LDLRAP1: variants seen among roughly 807,000 people sequenced by gnomAD.
LDLRAP1 encodes low density lipoprotein receptor adaptor protein 1, also known as low density lipoprotein receptor adapter protein 1.
Under a neutral mutation model 37.8 loss-of-function variants are expected in LDLRAP1, and 30 were observed. The ratio of observed to expected loss-of-function variants is 0.79; its 90% CI spans 0.59 to 1.08. The LOEUF (loss-of-function observed/expected upper bound fraction) is 1.08, where lower values mean the gene tolerates loss of function less well. Among genes scored for constraint, LDLRAP1 ranks in the 50% least tolerant of loss-of-function variants. The pLI is 0.00. For missense variants in LDLRAP1, 375 were observed against 401.6 expected, an observed-to-expected ratio of 0.93 and a Z score of 0.57; for synonymous variants, 156 against 169.8, an observed-to-expected ratio of 0.92 and a Z score of 0.63.
intron 3 of LDLRAP1, among the ~76,000 whole-genome samples, chr1:25,556,214 G>C (rs1161842644): frequency 6.6e-6 from 1 of 151,976 alleles, no homozygotes; most frequent in East Asian, 1.9e-4. Flanking sequence ...GGGTGAGTCT[G>C]TGGTGCTCCT....
the LDLRAP1 span, among the ~76,000 whole-genome samples, chr1:25,582,806 TCA>T: frequency 6.6e-6 from 1 of 152,034 alleles, no homozygotes; most frequent in Non-Finnish European, 1.5e-5. Flanking sequence ...GTACGGTGGC[TCA>T]CATCTGTAAT....
At chr1:25,574,129 G>A in the LDLRAP1 span, among the ~76,000 whole-genome samples, 1 of 152,206 alleles carries the variant, frequency 6.6e-6, no homozygotes, top group Non-Finnish European at 1.5e-5. Context: ...GCACCTGAGA[G>A]GGCAAAGAGC....
In LDLRAP1 at chr1:25,554,060, C is replaced by A. The variant is rs760852972; in HGVS notation, c.227C>A (p.Ala76Asp). The change falls in exon 2 of 9, where the codon GCT becomes GAT. Residue 76 changes from alanine to aspartate, a missense_variant. Physicochemically the swap from Ala to Asp is moderately radical, Grantham distance 126. Coordinates refer to ENST00000374338, the MANE Select transcript of LDLRAP1 (RefSeq NM_015627.3). The surrounding 1 kb of genome is among the most constrained non-coding windows in gnomAD (Gnocchi z 5.4). ...GCCGCCGCCATCAAGAGGATCGTGG[C>A]TACAGTGAGCACCCCAGTCAGGAAG... ...LSAAAIKRIV[A>D]TAKASGKKLQ... The A allele has an allele frequency of 6.8e-6, 11 of 1,613,872 alleles. No homozygotes were observed. The highest frequency in any genetic ancestry group is 8.5e-6 in the Non-Finnish European group (10 of 1,180,032).
intron 1 of LDLRAP1, among the ~76,000 whole-genome samples, chr1:25,547,427 G>A (rs2043961142): frequency 6.6e-6 from 1 of 151,952 alleles, no homozygotes; most frequent in Non-Finnish European, 1.5e-5. Context: ...AGGTTGCAGT[G>A]AGCCGGGATC....
chr1:25,560,293 C>T (rs1024455554), intron 4 of LDLRAP1, among the ~76,000 whole-genome samples: 1 of 152,142 alleles, frequency 6.6e-6, no homozygotes, highest in Non-Finnish European at 1.5e-5. Flanking sequence ...CTCCACATCC[C>T]TACTCTTCCT....
chr1:25,550,292 C>T (rs1039752722), intron 1 of LDLRAP1, among the ~76,000 whole-genome samples: 3 of 152,090 alleles, frequency 2.0e-5, no homozygotes, highest in Non-Finnish European at 4.4e-5. Context: ...AACTGAGGTT[C>T]AGGGAGGGTA....
chr1:25,551,409 G>T (rs2044068528), intron 1 of LDLRAP1, among the ~76,000 whole-genome samples: 6 of 152,242 alleles, frequency 3.9e-5, no homozygotes, highest in Admixed American at 3.9e-4. Context: ...TTGGGCTTTA[G>T]AGTCAGTCCT....
chr1:25,545,182 GT>G (rs1443319003), intron 1 of LDLRAP1, among the ~76,000 whole-genome samples: 1 of 152,220 alleles, frequency 6.6e-6, no homozygotes, highest in Non-Finnish European at 1.5e-5. Flanking sequence ...ATGGCCATCT[GT>G]TCCAGTGGGA....
the LDLRAP1 span, among the ~76,000 whole-genome samples, chr1:25,582,570 C>G: frequency 7.0e-6 from 1 of 142,596 alleles, no homozygotes; most frequent in Middle Eastern, 3.4e-3. Flanking sequence ...GGCGACAGAG[C>G]GAGACCCCAT....
chr1:25,566,257 C>T (rs1376013053), intron 8 of LDLRAP1, among the ~76,000 whole-genome samples: 1 of 152,054 alleles, frequency 6.6e-6, no homozygotes, highest in African/African-American at 2.4e-5. Context: ...CATTGATCAG[C>T]TCATCGTATT....
At chr1:25,577,539 G>A in the LDLRAP1 span, among the ~76,000 whole-genome samples, 1 of 152,214 alleles carries the variant, frequency 6.6e-6, no homozygotes, top group African/African-American at 2.4e-5. Context: ...AGCCAGAGAT[G>A]AGCGTCGAGC....
chr1:25,552,557 C>T (rs2044095707), intron 1 of LDLRAP1, among the ~76,000 whole-genome samples: 1 of 152,210 alleles, frequency 6.6e-6, no homozygotes, highest in African/African-American at 2.4e-5. Context: ...TCATAACAAA[C>T]ACCTCCTACA....
At chr1:25,579,806 A>C in the LDLRAP1 span, among the ~76,000 whole-genome samples, 1 of 80,280 alleles carries the variant, frequency 1.2e-5, no homozygotes, top group Non-Finnish European at 3.7e-5. Flanking sequence ...TAGCTGTTTC[A>C]CCACTACATT....
Position 25,554,710 on chromosome 1 carries a change from T to G in LDLRAP1, c.232-150T>G, listed in dbSNP as rs921557140. ...TGCTCCTGTTTCTATTGCAAGAAGG[T>G]GCTGGCTGAGTGGTCTTGCCCACAC... is the stretch of plus-strand genomic sequence containing the variant. On this transcript the variant is annotated intron_variant, in intron 2 of 8. Coordinates refer to ENST00000374338, the MANE Select transcript of LDLRAP1 (RefSeq NM_015627.3). This position sits in a 1 kb window ranked among gnomAD's most constrained non-coding sequence, Gnocchi z 5.4. 1 of 696,676 alleles carries G rather than the reference T, an allele frequency of 1.4e-6. No homozygotes were observed. The allele number at this position is 696,676 out of a possible 1,614,324, so 43.2% of individuals were successfully genotyped here.
chr1:25,564,873 C>T (rs768791608), intron 7 of LDLRAP1: 7 of 428,346 alleles, frequency 1.6e-5, no homozygotes, highest in Non-Finnish European at 3.0e-5. Context: ...CAACGTGGAG[C>T]AGTGACTTGC....
the LDLRAP1 span, among the ~76,000 whole-genome samples, chr1:25,588,975 T>A: frequency 6.6e-6 from 1 of 152,184 alleles, no homozygotes; most frequent in Non-Finnish European, 1.5e-5. Flanking sequence ...CATGTCCACT[T>A]CTGCATCTGC....
rs780304903 is a variant in LDLRAP1 at position 25,562,688 on chromosome 1, C to T, written c.504C>T (p.Ala168=). The T allele has an allele frequency of 6.2e-7, 1 of 1,614,194 alleles. No homozygotes were observed. Among genetic ancestry groups the T allele is most frequent in the Non-Finnish European group, 8.5e-7 (1 of 1,180,024 alleles). Residue 168 remains alanine, a synonymous_variant, in exon 5 of 9, where the codon GCC becomes GCT. Coordinates refer to ENST00000374338, the MANE Select transcript of LDLRAP1 (RefSeq NM_015627.3). ...CCGTAGCCCAGGCCTTCAAAGTCGC[C>T]TTTGAGTTTTGGCAGGTGTCCAAGG... The part of the protein sequence containing the change: ...TLTVAQAFKV[A]FEFWQVSKEE...
chr1:25,552,078 G>A (rs571028297), intron 1 of LDLRAP1, among the ~76,000 whole-genome samples: 3 of 152,308 alleles, frequency 2.0e-5, no homozygotes, highest in South Asian at 4.1e-4. Flanking sequence ...AAATGTGGGT[G>A]TACAAGGCTC....
intron 3 of LDLRAP1, among the ~76,000 whole-genome samples, chr1:25,556,562 G>T (rs967989305): frequency 2.0e-5 from 3 of 152,232 alleles, no homozygotes; most frequent in South Asian, 4.1e-4. Flanking sequence ...CTGGGCAGGG[G>T]CATGGATCGG....
Sources: allele counts gnomAD v4.1 joint callset (sites outside exome capture counted in the v4.1 genomes callset), GRCh38; gene constraint gnomAD v4.1.1; non-coding constraint Gnocchi (gnomAD v3.1); transcripts MANE v1.5; gene names NCBI Gene and HGNC (gene_info 2026-07-23, HGNC 2026-07-21).